Variants in ARNT2 observed in about 807,000 individuals in gnomAD.
The protein encoded by ARNT2 is ARNT protein 2.
A neutral mutation model predicts 91.7 loss-of-function variants in ARNT2; 36 were observed. That is an observed-to-expected ratio of 0.39 (90% confidence interval 0.30 to 0.52). ARNT2 has a LOEUF of 0.52. Ranked by LOEUF, ARNT2 falls within the 20% of genes least tolerant of loss-of-function variation. ARNT2 has a pLI of 0.72. For missense variants in ARNT2, 775 were observed against 939.3 expected (o/e 0.83, Z 2.29); for synonymous variants, 365 against 347.1 (o/e 1.05, Z -0.57).
chr15:80,439,709 T>C (rs918668352), intron 1 of ARNT2, among the ~76,000 whole-genome samples: 3 of 152,230 alleles, frequency 2.0e-5, no homozygotes, highest in Non-Finnish European at 4.4e-5. Context: ...TGGTCATTCA[T>C]TTCTTTCCCC....
intron 1 of ARNT2, among the ~76,000 whole-genome samples, chr15:80,405,924 C>A (rs1297467244): frequency 6.6e-6 from 1 of 151,676 alleles, no homozygotes; most frequent in East Asian, 1.9e-4. Context: ...GAGAGAGAGA[C>A]CTCAATGGTA....
chr15:80,423,433 G>A (rs186778097), intron 1 of ARNT2, among the ~76,000 whole-genome samples: 2 of 152,222 alleles, frequency 1.3e-5, no homozygotes, highest in African/African-American at 4.8e-5. Context: ...GTGATTATGA[G>A]TCACATAATC....
chr15:80,551,311 G>A, intron 9 of ARNT2, 36 bp downstream of exon 9: 6 of 1,572,744 alleles, frequency 3.8e-6, no homozygotes, highest in Non-Finnish European at 5.2e-6. Flanking sequence ...AATCTTAAAT[G>A]AAGGCTTATT....
At position 80,597,424 on chromosome 15, in the gene ARNT2, A is replaced by G; in HGVS notation, c.*3726A>G. ...CGCTGTCTCCTAACCTGCCGGGGTC[A>G]TTCCCCACCAAACACCCCATACTAA... On this transcript the variant is annotated 3_prime_UTR_variant, in exon 19 of 19. Coordinates refer to ENST00000303329, the MANE Select transcript of ARNT2 (RefSeq NM_014862.4). 2.7e-6 allele frequency: 1 copy of G among 372,826 alleles called. No individual in the cohort carries two copies. The highest frequency in any genetic ancestry group is 5.4e-6 in the Non-Finnish European group (1 of 186,132). The allele number at this position is 372,826 out of a possible 1,614,324, so 23.1% of individuals were successfully genotyped here.
chr15:80,511,465 C>T (rs541737162), intron 6 of ARNT2, among the ~76,000 whole-genome samples: 5 of 151,724 alleles, frequency 3.3e-5, no homozygotes, highest in Non-Finnish European at 7.4e-5. Context: ...ATCTGTACAA[C>T]AAAGCCCATG....
chr15:80,566,494 C>T (rs993372590), intron 12 of ARNT2, among the ~76,000 whole-genome samples: 3 of 152,138 alleles, frequency 2.0e-5, no homozygotes. Flanking sequence ...TTGTTGGCTC[C>T]TTCTTGGGCT....
rs142676810 is a variant in ARNT2 at position 80,564,767 on chromosome 15, G to A, written c.1316+1528G>A. 6.0e-4 allele frequency among the ~76,000 whole-genome samples: 87 copies of A among 145,496 alleles called. 1 individual carries two copies. In the East Asian group the frequency reaches 0.018, roughly 31 times the overall value. ...CCCAATGTTTAGTTCCCACTTAAAG[G>A]TGAGAACACGCGGTATTTGGTTTTT... On this transcript the variant is annotated intron_variant, in intron 12 of 18. Transcript: ENST00000303329.
chr15:80,542,750 C>T (rs74027834), intron 8 of ARNT2, among the ~76,000 whole-genome samples: 2,266 of 152,178 alleles, frequency 0.015, 52 homozygotes, highest in African/African-American at 0.052. Context: ...ACCCTATTAC[C>T]GAAAGATCCC....
In ARNT2 at chr15:80,492,485, A is replaced by T. The variant is rs143430870; in HGVS notation, c.623-15671A>T. Among the ~76,000 whole-genome samples the T allele has an allele frequency of 4.1e-3, 620 of 152,222 alleles. 10 individuals carry two copies. Among genetic ancestry groups the T allele is most frequent in the African/African-American group, 0.014 (581 of 41,552 alleles). ...TTCTATAGATTTTACTGGGTGCTTGATGGTTTCAGAAGGGAAGGTCAGTCT... is the reference window on the plus strand; with the variant it reads ...TTCTATAGATTTTACTGGGTGCTTGTTGGTTTCAGAAGGGAAGGTCAGTCT... On this transcript the variant is annotated intron_variant, in intron 5 of 18. Transcript: ENST00000303329.
At chr15:80,477,259 GT>G (rs1301984899) in intron 5 of ARNT2, among the ~76,000 whole-genome samples, 2 of 152,174 alleles carry the variant, frequency 1.3e-5, no homozygotes, top group Non-Finnish European at 2.9e-5. Context: ...GACTAATACA[GT>G]CAGAGTTCTA....
At chr15:80,425,469 G>A (rs1895919693) in intron 1 of ARNT2, among the ~76,000 whole-genome samples, 1 of 152,010 alleles carries the variant, frequency 6.6e-6, no homozygotes, top group African/African-American at 2.4e-5. Context: ...AAAAATATTG[G>A]GAGAAACTTT....
chr15:80,502,217 G>A (rs1448747235), intron 5 of ARNT2, among the ~76,000 whole-genome samples: 1 of 152,216 alleles, frequency 6.6e-6, no homozygotes, highest in East Asian at 1.9e-4. Flanking sequence ...TGTGGTCCTG[G>A]GGGCTGTTTG....
intron 3 of ARNT2, among the ~76,000 whole-genome samples, chr15:80,459,714 G>A (rs78115213): frequency 0.012 from 1,764 of 152,294 alleles, 28 homozygotes; most frequent in African/African-American, 0.036. Flanking sequence ...TCTCATGACC[G>A]TGTCTGTGAG....
At chr15:80,576,569 G>A (rs986063622) in intron 14 of ARNT2, among the ~76,000 whole-genome samples, 1 of 152,192 alleles carries the variant, frequency 6.6e-6, no homozygotes, top group Admixed American at 6.5e-5. Context: ...AAGCCACCAT[G>A]CCTAGCCTCA....
chr15:80,432,991 A>G (rs1896031373), intron 1 of ARNT2, among the ~76,000 whole-genome samples: 1 of 152,168 alleles, frequency 6.6e-6, no homozygotes, highest in African/African-American at 2.4e-5. Flanking sequence ...TGTTTTGCAT[A>G]TATTTTATAT....
intron 12 of ARNT2, among the ~76,000 whole-genome samples, chr15:80,571,182 T>C (rs1198060313): frequency 6.6e-6 from 1 of 152,196 alleles, no homozygotes; most frequent in Non-Finnish European, 1.5e-5. Flanking sequence ...TATTTCTGTC[T>C]GCAAATGGAT....
chr15:80,505,927 GTTTTTTT>G (rs1161520898), intron 5 of ARNT2, among the ~76,000 whole-genome samples: 1 of 88,930 alleles, frequency 1.1e-5, no homozygotes, highest in Non-Finnish European at 2.2e-5. Flanking sequence ...AACATTTGTT[GTTTTTTT>G]TTTTTTTTTT....
chr15:80,529,957 C>G (rs1194466232), intron 8 of ARNT2, among the ~76,000 whole-genome samples: 2 of 152,168 alleles, frequency 1.3e-5, no homozygotes, highest in Non-Finnish European at 2.9e-5. Context: ...ATATTATGTC[C>G]TCTTATGTCA....
chr15:80,445,834 C>T (rs76002649), intron 1 of ARNT2, among the ~76,000 whole-genome samples: 1,777 of 152,110 alleles, frequency 0.012, 36 homozygotes, highest in African/African-American at 0.042. Flanking sequence ...CACAGCCTCA[C>T]GTGGGGGATC....
Sources: allele counts gnomAD v4.1 joint callset (sites outside exome capture counted in the v4.1 genomes callset), GRCh38; gene constraint gnomAD v4.1.1; transcripts MANE v1.5; gene names NCBI Gene and HGNC (gene_info 2026-07-23, HGNC 2026-07-21).